Variants in DENND6A observed in about 807,000 individuals in gnomAD.
DENND6A encodes DENN domain containing 6A.
A neutral mutation model predicts 95.5 loss-of-function variants in DENND6A; 43 were observed. That is an observed-to-expected ratio of 0.45 (90% CI 0.35 to 0.58). The LOEUF is 0.58. DENND6A is among the 20% of genes least tolerant of loss of function. The probability of loss-of-function intolerance (pLI) is 0.00; values close to 1 mark genes in which losing one functional copy is unlikely to be tolerated. For missense variants in DENND6A, 574 were observed against 736.0 expected (o/e 0.78, Z 2.55); for synonymous variants, 257 against 260.4 (o/e 0.99, Z 0.13).
At chr3:57,683,813 C>G (rs1221189697) in intron 1 of DENND6A, among the ~76,000 whole-genome samples, 3 of 152,116 alleles carry the variant, frequency 2.0e-5, no homozygotes, top group African/African-American at 7.2e-5. Context: ...GGGTTCAAAT[C>G]CTGGCTTATT....
chr3:57,691,052 T>A (rs2077259932), intron 1 of DENND6A, among the ~76,000 whole-genome samples: 1 of 152,240 alleles, frequency 6.6e-6, no homozygotes, highest in Admixed American at 6.5e-5. Flanking sequence ...TTTTGCAGCA[T>A]CTCAAATATA....
At chr3:57,671,459 G>A (rs971117341) in intron 3 of DENND6A, among the ~76,000 whole-genome samples, 3 of 152,022 alleles carry the variant, frequency 2.0e-5, no homozygotes, top group Admixed American at 6.5e-5. Flanking sequence ...GAACCCGGGA[G>A]GCGGAGCTTG....
At chr3:57,648,476 T>G (rs1472142760) in intron 9 of DENND6A, among the ~76,000 whole-genome samples, 2 of 152,152 alleles carry the variant, frequency 1.3e-5, no homozygotes, top group African/African-American at 4.8e-5. Flanking sequence ...CTCCTTACAC[T>G]GCTTGTTCCC....
At chr3:57,639,903 G>A (rs2070886384) in intron 12 of DENND6A, among the ~76,000 whole-genome samples, 1 of 152,030 alleles carries the variant, frequency 6.6e-6, no homozygotes, top group Admixed American at 6.6e-5. Flanking sequence ...ATACCAGAAG[G>A]AATATCTTGT....
intron 3 of DENND6A, among the ~76,000 whole-genome samples, chr3:57,670,019 C>CAAAAAAAAA (rs780880587): frequency 5.2e-5 from 3 of 57,750 alleles, no homozygotes; most frequent in African/African-American, 7.3e-5. Context: ...AACTCCATCT[C>CAAAAAAAAA]AAAAAAAAAA....
intron 9 of DENND6A, among the ~76,000 whole-genome samples, chr3:57,650,700 T>C (rs2071190044): frequency 6.6e-6 from 1 of 151,964 alleles, no homozygotes; most frequent in African/African-American, 2.4e-5. Context: ...GACAGTAGCA[T>C]TATTCATAAT....
chr3:57,654,223 G>A (rs528733685), intron 9 of DENND6A, among the ~76,000 whole-genome samples: 13 of 151,924 alleles, frequency 8.6e-5, no homozygotes, highest in South Asian at 4.2e-4. Context: ...CCAAAGTGCC[G>A]GGATTACAGG....
At chr3:57,654,576 A>T in intron 9 of DENND6A, 6 of 937,726 alleles carry the variant, frequency 6.4e-6, no homozygotes, top group Non-Finnish European at 7.6e-6. Context: ...ATCATCAAGT[A>T]AAATGTCCCT....
At position 57,663,670 on chromosome 3, in the gene DENND6A, C is replaced by T. The variant is rs756267563; in HGVS notation, c.479G>A (p.Arg160Gln). The change falls in exon 5 of 20, where the codon CGA (arginine) becomes CAA (glutamine). Residue 160 changes from arginine to glutamine, a missense_variant. Arg to Gln is a conservative substitution (Grantham distance 43). Around this residue, in one of 2 missense-constraint regions of DENND6A, gnomAD observed 452 missense variants for 630.9 expected, o/e 0.72. Transcript: ENST00000311128. ...GTAGCCTCTTTTTAGAGTTTTATCT[C>T]GAACTTGTCGGAAATACACATATCC... ...FYGYVYFRQV[R>Q]DKTLKRGYFQ... 1.5e-5 allele frequency: 24 copies of T among 1,583,012 alleles called. No homozygotes were observed. The highest frequency in any genetic ancestry group is 2.7e-5 in the African/African-American group (2 of 73,918).
Position 57,672,306 on chromosome 3 carries a change from A to G in DENND6A, c.277-8T>C, listed in dbSNP as rs1352923177. ...ATAGCAAATATTGGTTTTCTGAAAA[A>G]GAAAACAAAAGTGATGTATGCTGAC... is the stretch of plus-strand genomic sequence containing the variant. On this transcript the variant is annotated splice_polypyrimidine_tract_variant and splice_region_variant and intron_variant, in intron 2 of 19. Coordinates refer to ENST00000311128, the MANE Select transcript of DENND6A (RefSeq NM_152678.3). The G allele has an allele frequency of 5.6e-6, 9 of 1,609,274 alleles. No homozygotes were observed. The highest frequency in any genetic ancestry group is 1.7e-5 in the Admixed American group (1 of 59,020).
At chr3:57,665,288 T>C (rs964832984) in intron 4 of DENND6A, among the ~76,000 whole-genome samples, 1 of 152,200 alleles carries the variant, frequency 6.6e-6, no homozygotes, top group African/African-American at 2.4e-5. Context: ...CAACACTGTA[T>C]AAGGTATATT....
At chr3:57,646,247 TATC>T in intron 10 of DENND6A, 66 bp downstream of exon 10, 1 of 1,541,272 alleles carries the variant, frequency 6.5e-7, no homozygotes, top group Non-Finnish European at 8.7e-7. Flanking sequence ...GTGCTGCAAA[TATC>T]ACCAACAGGT....
intron 1 of DENND6A, among the ~76,000 whole-genome samples, chr3:57,686,409 A>T (rs1396239809): frequency 1.3e-5 from 2 of 152,168 alleles, no homozygotes; most frequent in African/African-American, 4.8e-5. Flanking sequence ...TTCCAATACC[A>T]TTCTTCCTTC....
intron 9 of DENND6A, among the ~76,000 whole-genome samples, chr3:57,657,287 A>G (rs1479579453): frequency 1.3e-5 from 2 of 152,222 alleles, no homozygotes; most frequent in Non-Finnish European, 2.9e-5. Flanking sequence ...TATCACTCAG[A>G]TTTAATGATT....
intron 1 of DENND6A, among the ~76,000 whole-genome samples, chr3:57,679,962 AT>A (rs1346040530): frequency 1.3e-5 from 2 of 152,206 alleles, no homozygotes; most frequent in Non-Finnish European, 2.9e-5. Flanking sequence ...ATGGACAGAA[AT>A]TTGTGAGAAA....
intron 4 of DENND6A, among the ~76,000 whole-genome samples, chr3:57,665,134 G>A (rs2071506509): frequency 8.0e-6 from 1 of 125,334 alleles, no homozygotes; most frequent in South Asian, 3.2e-4. Flanking sequence ...AAGGAGATGA[G>A]GGTGAAACTT....
intron 9 of DENND6A, among the ~76,000 whole-genome samples, chr3:57,648,447 C>T (rs1024229034): frequency 3.9e-5 from 6 of 152,074 alleles, no homozygotes; most frequent in South Asian, 2.1e-4. Flanking sequence ...ACAAATTCAA[C>T]GCAATTCCCA....
intron 9 of DENND6A, among the ~76,000 whole-genome samples, chr3:57,656,165 C>T (rs1303588406): frequency 6.6e-6 from 1 of 152,142 alleles, no homozygotes; most frequent in African/African-American, 2.4e-5. Context: ...ACGAAATGCC[C>T]GCAGCCCTTA....
At chr3:57,683,411 G>C (rs1303148776) in intron 1 of DENND6A, among the ~76,000 whole-genome samples, 1 of 152,062 alleles carries the variant, frequency 6.6e-6, no homozygotes, top group African/African-American at 2.4e-5. Context: ...ATCTGCCCAT[G>C]GCTATAAACT....
Sources: gnomAD v4.1 joint callset for allele counts (sites outside exome capture counted in the v4.1 genomes callset) on GRCh38, gnomAD v4.1.1 for gene constraint, gnomAD v4.1.1 regional missense constraint, MANE v1.5 for transcripts, NCBI Gene and HGNC (gene_info 2026-07-23, HGNC 2026-07-21) for gene names.